Variants in XKR6 observed in about 807,000 individuals in gnomAD.
XKR6 encodes XK related 6, also known as XK-related protein 6.
Under a neutral mutation model 56.7 loss-of-function variants are expected in XKR6, and 22 were observed. That is an observed-to-expected ratio of 0.39 (90% CI 0.28 to 0.55). The LOEUF (loss-of-function observed/expected upper bound fraction) is 0.55, where lower values mean the gene tolerates loss of function less well. XKR6 is among the 20% of genes least tolerant of loss of function. XKR6 has a pLI of 0.66. For synonymous variants in XKR6, 524 were observed against 387.8 expected, an observed-to-expected ratio of 1.35 and a Z score of -4.13; for missense variants, 852 against 889.0, an observed-to-expected ratio of 0.96 and a Z score of 0.53.
intron 1 of XKR6, among the ~76,000 whole-genome samples, chr8:11,177,927 C>A (rs1040565380): frequency 1.3e-5 from 2 of 152,232 alleles, no homozygotes; most frequent in African/African-American, 2.4e-5. Flanking sequence ...TAATGTCCTG[C>A]TCCACCTAAG....
At chr8:10,991,172 G>A (rs977351253) in intron 1 of XKR6, among the ~76,000 whole-genome samples, 2 of 152,086 alleles carry the variant, frequency 1.3e-5, no homozygotes, top group African/African-American at 4.8e-5. Context: ...CCAAAGTGCT[G>A]GGATTACAGG....
chr8:11,129,984 T>C (rs1385928549), intron 1 of XKR6, among the ~76,000 whole-genome samples: 3 of 152,156 alleles, frequency 2.0e-5, no homozygotes, highest in Non-Finnish European at 2.9e-5. Flanking sequence ...CCAGATTGAA[T>C]GGGAAATCCC....
At chr8:11,185,589 G>T (rs1280414360) in intron 1 of XKR6, among the ~76,000 whole-genome samples, 1 of 152,104 alleles carries the variant, frequency 6.6e-6, no homozygotes, top group Non-Finnish European at 1.5e-5. Flanking sequence ...TCACTTTTAG[G>T]GATAGTTTCC....
At chr8:11,126,307 C>A (rs559066328) in intron 1 of XKR6, among the ~76,000 whole-genome samples, 14 of 152,214 alleles carry the variant, frequency 9.2e-5, no homozygotes, top group Middle Eastern at 3.4e-3. Context: ...ACCTTGTGAT[C>A]CGCCCACCTC....
rs116674760 is a variant in XKR6, at chr8:11,115,750, G to C, written c.764+84826C>G. Among the ~76,000 whole-genome samples, 879 of 152,264 alleles carry C rather than the reference G, an allele frequency of 5.8e-3. 12 individuals are homozygous for C. The highest frequency in any genetic ancestry group is 0.02 in the African/African-American group (847 of 41,544). On this transcript the variant is annotated intron_variant, in intron 1 of 2. Coordinates refer to ENST00000416569, the MANE Select transcript of XKR6 (RefSeq NM_173683.4). Reference sequence around the variant, plus strand: ...AACGCTAAGCTTGTGGGAGTTATTTGTGTCCTACTGCTCAAGATCATCACC... The same window carrying C: ...AACGCTAAGCTTGTGGGAGTTATTTCTGTCCTACTGCTCAAGATCATCACC...
intron 1 of XKR6, among the ~76,000 whole-genome samples, chr8:10,977,768 G>C (rs1191665986): frequency 6.6e-6 from 1 of 151,462 alleles, no homozygotes; most frequent in Non-Finnish European, 1.5e-5. Context: ...AAGGTTACTG[G>C]ACCACTGTCA....
At chr8:11,058,804 G>T (rs1360648803) in intron 1 of XKR6, among the ~76,000 whole-genome samples, 2 of 152,154 alleles carry the variant, frequency 1.3e-5, no homozygotes, top group African/African-American at 4.8e-5. Context: ...GTATACCTAT[G>T]TAACAAACCT....
At chr8:10,930,049 G>T (rs1801010542) in intron 1 of XKR6, among the ~76,000 whole-genome samples, 1 of 151,970 alleles carries the variant, frequency 6.6e-6, no homozygotes, top group African/African-American at 2.4e-5. Flanking sequence ...CTTCCCTGAA[G>T]CCACACCGTC....
chr8:10,970,092 G>C (rs1164995030), intron 1 of XKR6, among the ~76,000 whole-genome samples: 2 of 152,228 alleles, frequency 1.3e-5, no homozygotes, highest in African/African-American at 2.4e-5. Context: ...CCTCTCGCAG[G>C]AGTGGGCTGT....
rs576124010 is a variant in XKR6 at position 11,040,207 on chromosome 8, C to T, written c.765-115377G>A. 2.4e-3 allele frequency among the ~76,000 whole-genome samples: 362 copies of T among 152,174 alleles called. 1 individual carries two copies. The highest frequency in any genetic ancestry group is 8.5e-3 in the African/African-American group (353 of 41,510). ...CCACTCCTGCAGGAACAGGACCCTT[C>T]CTGCCCAAGGCTCCGGCCCTGCCTC... On this transcript the variant is annotated intron_variant, in intron 1 of 2. Coordinates refer to ENST00000416569, the MANE Select transcript of XKR6 (RefSeq NM_173683.4).
chr8:11,013,251 C>T (rs1015905417), intron 1 of XKR6, among the ~76,000 whole-genome samples: 7 of 152,194 alleles, frequency 4.6e-5, no homozygotes, highest in African/African-American at 1.7e-4. Context: ...TGCCCATGGT[C>T]TCTAAGATGA....
chr8:10,932,204 C>T (rs528897785), intron 1 of XKR6, among the ~76,000 whole-genome samples: 1 of 152,296 alleles, frequency 6.6e-6, no homozygotes, highest in East Asian at 1.9e-4. Flanking sequence ...AACACTGACA[C>T]TATCAAGTGC....
intron 1 of XKR6, among the ~76,000 whole-genome samples, chr8:11,183,525 T>C (rs946936405): frequency 2.6e-5 from 4 of 152,080 alleles, no homozygotes; most frequent in Admixed American, 2.0e-4. Context: ...CCCACCATGC[T>C]GGGCTCAAGC....
chr8:10,916,586 T>G (rs570342998), intron 2 of XKR6, among the ~76,000 whole-genome samples: 14 of 151,488 alleles, frequency 9.2e-5, no homozygotes, highest in Non-Finnish European at 1.9e-4. Context: ...CCGCTAAGAG[T>G]CGGGCCCCTC....
intron 1 of XKR6, among the ~76,000 whole-genome samples, chr8:11,164,593 A>G (rs1453775124): frequency 1.3e-5 from 2 of 152,256 alleles, no homozygotes; most frequent in Non-Finnish European, 2.9e-5. Flanking sequence ...ATTACATTAT[A>G]AGGTATGTGG....
At chr8:11,117,060 A>G (rs932846679) in intron 1 of XKR6, among the ~76,000 whole-genome samples, 1 of 152,242 alleles carries the variant, frequency 6.6e-6, no homozygotes, top group African/African-American at 2.4e-5. Flanking sequence ...TGAGTTAGTT[A>G]CAAATTTAGA....
intron 2 of XKR6, among the ~76,000 whole-genome samples, chr8:10,915,620 G>A (rs1251856092): frequency 2.0e-5 from 3 of 152,276 alleles, no homozygotes; most frequent in Admixed American, 2.0e-4. Context: ...GGTGCAGTGC[G>A]AGCGTTCAAG....
intron 1 of XKR6, among the ~76,000 whole-genome samples, chr8:10,985,597 TAA>T (rs35383772): frequency 1.2e-3 from 161 of 136,282 alleles, no homozygotes; most frequent in Middle Eastern, 3.8e-3. Context: ...ATCTTTTGGT[TAA>T]AAAAAAAAAA....
At position 10,996,417 on chromosome 8, in the gene XKR6, T is replaced by C. The variant is rs140191156; in HGVS notation, c.765-71587A>G. ...TTTCAGTTGCTTTTATATGTTCTGCTTTTTTTCTTACCTTCTTTGGATGCA... is the reference window on the plus strand; with the variant it reads ...TTTCAGTTGCTTTTATATGTTCTGCCTTTTTTCTTACCTTCTTTGGATGCA... On this transcript the variant is annotated intron_variant, in intron 1 of 2. Coordinates refer to ENST00000416569, the MANE Select transcript of XKR6 (RefSeq NM_173683.4). 5.4e-3 allele frequency among the ~76,000 whole-genome samples: 816 copies of C among 152,328 alleles called. 7 individuals carry two copies. The highest frequency in any genetic ancestry group is 0.019 in the African/African-American group (796 of 41,570).
Sources: allele counts gnomAD v4.1 joint callset (sites outside exome capture counted in the v4.1 genomes callset), GRCh38; gene constraint gnomAD v4.1.1; transcripts MANE v1.5; gene names NCBI Gene and HGNC (gene_info 2026-07-23, HGNC 2026-07-21).